AANAT: variants seen among roughly 807,000 people sequenced by gnomAD.
AANAT encodes the protein aralkylamine N-acetyltransferase.
AANAT carries 11 observed loss-of-function variants against 15.6 expected under a neutral mutation model. The ratio of observed to expected loss-of-function variants is 0.71; its 90% CI spans 0.44 to 1.17. The LOEUF is 1.17. Among genes scored for constraint, AANAT ranks in the 50% most tolerant of loss-of-function variants. The pLI, the probability that AANAT is intolerant of heterozygous loss-of-function variation, is 0.00. For missense variants in AANAT, 286 were observed against 296.3 expected (o/e 0.97, Z 0.26); for synonymous variants, 139 against 131.5 (o/e 1.06, Z -0.39).
chr17:76,469,546 G>T lies in AANAT; in HGVS notation c.319-119G>T. On this transcript the variant is annotated intron_variant, in intron 3 of 3. Coordinates refer to ENST00000392492, the MANE Select transcript of AANAT (RefSeq NM_001088.3). The surrounding 1 kb of genome is among the most constrained non-coding windows in gnomAD (Gnocchi z 5.2). ...CCCAATTTGGGGCCCTCCTTTGCTG[G>T]GGTGGGTGCCCTGACCACAGGCACC... 7.8e-7 allele frequency: 1 copy of T among 1,284,770 alleles called. No homozygotes were observed. Among genetic ancestry groups the T allele is most frequent in the Non-Finnish European group, 1.0e-6 (1 of 964,078 alleles). The allele number at this position is 1,284,770 out of a possible 1,614,324, so 79.6% of individuals were successfully genotyped here.
chr17:76,467,417 A>G, upstream of AANAT: 1 of 463,954 alleles, frequency 2.2e-6, no homozygotes, highest in Non-Finnish European at 2.8e-6. Context: ...TCTCTTCCCC[A>G]AACCCTGGGG....
chr17:76,457,504 T>A (rs567228200), intron 1 of AANAT, among the ~76,000 whole-genome samples: 58 of 152,342 alleles, frequency 3.8e-4, no homozygotes, highest in Non-Finnish European at 1.6e-4. Flanking sequence ...CTGCGGCTTC[T>A]TGTAATAATG....
intron 2 of AANAT, among the ~76,000 whole-genome samples, chr17:76,460,711 C>T (rs2073380324): frequency 6.6e-6 from 1 of 152,160 alleles, no homozygotes; most frequent in Non-Finnish European, 1.5e-5. Context: ...CCGTAGGTCC[C>T]TTCTTTGTCC....
chr17:76,469,231 GACCCT>G lies in AANAT; in HGVS notation c.224_228del (p.Thr75MetfsTer93). The G allele has an allele frequency of 6.2e-7, 1 of 1,614,180 alleles. No individual in the cohort carries two copies. Among genetic ancestry groups the G allele is most frequent in the African/African-American group, 1.3e-5 (1 of 75,062 alleles). ...ACCTGGATGAGATCCGGCACTTCCTGACCCTATGTCCAGAGCTGTCCCTGGGCTGG... is the reference window on the plus strand; with the variant it reads ...ACCTGGATGAGATCCGGCACTTCCTGATGTCCAGAGCTGTCCCTGGGCTGG... On this transcript the variant is annotated frameshift_variant, in exon 3 of 4. Coordinates refer to ENST00000392492, the MANE Select transcript of AANAT (RefSeq NM_001088.3). LOFTEE classifies it high-confidence loss of function. This position sits in a 1 kb window ranked among gnomAD's most constrained non-coding sequence, Gnocchi z 5.2.
chr17:76,468,095 C>T (rs1598639972), intron 1 of AANAT, among the ~76,000 whole-genome samples: 1 of 152,084 alleles, frequency 6.6e-6, no homozygotes, highest in Non-Finnish European at 1.5e-5. Flanking sequence ...GAAGTAGAGG[C>T]TCCCTAAGGG....
In AANAT at chr17:76,469,611, G is replaced by A; in HGVS notation, c.319-54G>A. The A allele has an allele frequency of 4.2e-6, 6 of 1,426,966 alleles. No homozygotes were observed. Among genetic ancestry groups the A allele is most frequent in the Non-Finnish European group, 5.5e-6 (6 of 1,091,950 alleles). The allele number at this position is 1,426,966 out of a possible 1,614,324, so 88.4% of individuals were successfully genotyped here. ...TCCCTGCCTGGGTTGGTGGTTGGGGGGGAGCACGTGTCAGCAGAAGTGACC... is the reference window on the plus strand; with the variant it reads ...TCCCTGCCTGGGTTGGTGGTTGGGGAGGAGCACGTGTCAGCAGAAGTGACC... On this transcript the variant is annotated intron_variant, in intron 3 of 3. Transcript: ENST00000392492. The surrounding 1 kb of genome is among the most constrained non-coding windows in gnomAD (Gnocchi z 5.2).
chr17:76,453,410 G>GA (rs2073299549), exon 1 of AANAT: 1 of 294,890 alleles, frequency 3.4e-6, no homozygotes, highest in South Asian at 1.6e-4. Flanking sequence ...AGCGAGAAGG[G>GA]GCGGGGACCC....
chr17:76,456,364 A>G (rs1266056582), intron 1 of AANAT, among the ~76,000 whole-genome samples: 1 of 152,028 alleles, frequency 6.6e-6, no homozygotes, highest in Non-Finnish European at 1.5e-5. Flanking sequence ...ACATGCACAA[A>G]ACAGATGGCA....
chr17:76,469,728 C>T lies in AANAT; in HGVS notation c.382C>T (p.Arg128Cys), dbSNP rs780636030. The T allele has an allele frequency of 9.0e-6, 14 of 1,553,080 alleles. No individual in the cohort carries two copies. The highest frequency in any genetic ancestry group is 3.8e-5 in the Admixed American group (2 of 53,272). Residue 128 changes from arginine to cysteine, a missense_variant, in exon 4 of 4, where the codon CGC (arginine) becomes TGC (cysteine). Transcript: ENST00000392492. This position sits in a 1 kb window ranked among gnomAD's most constrained non-coding sequence, Gnocchi z 5.2. ...IAHLHVLAVH[R>C]AFRQQGRGPI... ...CCACCTGCATGTGCTGGCCGTGCAC[C>T]GCGCCTTCCGGCAGCAGGGCAGGGG...
chr17:76,468,085 G>C (rs1479014150), intron 1 of AANAT, among the ~76,000 whole-genome samples: 3 of 151,998 alleles, frequency 2.0e-5, no homozygotes, highest in African/African-American at 7.2e-5. Context: ...CATCTGGATA[G>C]AAGTAGAGGC....
upstream of AANAT, among the ~76,000 whole-genome samples, chr17:76,467,061 G>GGA (rs2073445827): frequency 6.6e-6 from 1 of 152,096 alleles, no homozygotes; most frequent in East Asian, 1.9e-4. Flanking sequence ...GAGCCAACAG[G>GGA]GAGAGGGGCC....
upstream of AANAT, among the ~76,000 whole-genome samples, chr17:76,466,571 A>C (rs2073439946): frequency 6.6e-6 from 1 of 151,820 alleles, no homozygotes; most frequent in South Asian, 2.1e-4. Flanking sequence ...CAGGAGTCTC[A>C]TTGTGAGATG....
chr17:76,455,284 T>C (rs1285644296), intron 1 of AANAT, among the ~76,000 whole-genome samples: 1 of 151,796 alleles, frequency 6.6e-6, no homozygotes, highest in Non-Finnish European at 1.5e-5. Context: ...AAACCCCATG[T>C]CTACTAAAAA....
intron 1 of AANAT, among the ~76,000 whole-genome samples, chr17:76,456,870 A>C (rs889053040): frequency 6.6e-6 from 1 of 152,182 alleles, no homozygotes; most frequent in African/African-American, 2.4e-5. Context: ...ATAGGGCCCA[A>C]GGAATTTGGC....
chr17:76,463,004 G>A (rs1490551018), upstream of AANAT, among the ~76,000 whole-genome samples: 3 of 152,194 alleles, frequency 2.0e-5, no homozygotes, highest in African/African-American at 4.8e-5. Context: ...GCTGACACAC[G>A]GAGGGGAGGG....
intron 2 of AANAT, among the ~76,000 whole-genome samples, chr17:76,459,725 T>C (rs761560034): frequency 6.6e-6 from 1 of 152,238 alleles, no homozygotes; most frequent in Non-Finnish European, 1.5e-5. Context: ...TCAGTTTCCT[T>C]TCTGTAAGGT....
chr17:76,463,352 A>G (rs2073407513), upstream of AANAT, among the ~76,000 whole-genome samples: 2 of 126,872 alleles, frequency 1.6e-5, no homozygotes, highest in East Asian at 4.7e-4. Flanking sequence ...CTGTGGCCCA[A>G]GTTGGAGTGC....
intron 1 of AANAT, among the ~76,000 whole-genome samples, chr17:76,456,782 A>G (rs1469421296): frequency 6.6e-6 from 1 of 152,224 alleles, no homozygotes; most frequent in African/African-American, 2.4e-5. Context: ...TGTACCAGGT[A>G]CTTCCAAGCA....
intron 1 of AANAT, among the ~76,000 whole-genome samples, chr17:76,459,025 A>T (rs1247911471): frequency 6.6e-6 from 1 of 152,186 alleles, no homozygotes; most frequent in Non-Finnish European, 1.5e-5. Context: ...TGCTCCTTGC[A>T]CAGGTGCCCT....
Sources: allele counts gnomAD v4.1 joint callset (sites outside exome capture counted in the v4.1 genomes callset), GRCh38; gene constraint gnomAD v4.1.1; non-coding constraint Gnocchi (gnomAD v3.1); transcripts MANE v1.5; gene names NCBI Gene and HGNC (gene_info 2026-07-23, HGNC 2026-07-21).